The following EFCC1 variants were observed in gnomAD, a reference collection of about 807,000 sequenced individuals.
EFCC1 encodes the protein EF-hand and coiled-coil domain-containing protein 1.
In EFCC1, 50 loss-of-function variants were observed where a neutral mutation model predicts 52.1. The ratio of observed to expected loss-of-function variants is 0.96; its 90% confidence interval spans 0.76 to 1.21. EFCC1 has a LOEUF of 1.21. Among genes scored for constraint, EFCC1 ranks in the 50% most tolerant of loss-of-function variants. The probability of loss-of-function intolerance (pLI) is 0.00; values close to 1 mark genes in which losing one functional copy is unlikely to be tolerated. For synonymous variants in EFCC1, 399 were observed against 396.5 expected (o/e 1.01, Z -0.08); for missense variants, 837 against 867.3 (o/e 0.97, Z 0.44).
Position 129,034,335 on chromosome 3 carries a change from C to T in EFCC1, c.1452+6C>T, listed in dbSNP as rs1182529303. On this transcript the variant is annotated splice_donor_region_variant and intron_variant, in intron 5 of 7. Transcript: ENST00000683648. ...TGGGGACCTCTGAGGAGGAGGTCAG[C>T]AGAGCCTAGAGATCAAAGGCTGGAG... 4 of 1,613,194 alleles carry T rather than the reference C, an allele frequency of 2.5e-6. No individual in the cohort carries two copies. The African/African-American group carries it at 5.3e-5, about 22-fold the overall frequency.
At chr3:129,021,815 T>C (rs1945856535) in intron 2 of EFCC1, among the ~76,000 whole-genome samples, 1 of 152,256 alleles carries the variant, frequency 6.6e-6, no homozygotes, top group Non-Finnish European at 1.5e-5. Flanking sequence ...TATTTACATA[T>C]TGAAATGTAT....
chr3:129,034,481 T>C, intron 5 of EFCC1, 152 bp downstream of exon 5: 1 of 917,510 alleles, frequency 1.1e-6, no homozygotes, highest in Non-Finnish European at 1.6e-6. Context: ...TTAAATTTAA[T>C]AAGAAATATT....
At chr3:129,029,398 G>A (rs1946221255) in intron 2 of EFCC1, among the ~76,000 whole-genome samples, 1 of 152,118 alleles carries the variant, frequency 6.6e-6, no homozygotes, top group Non-Finnish European at 1.5e-5. Context: ...CCCAGAGAAG[G>A]GAGATGTTTC....
At chr3:129,004,534 C>A (rs1944984147) in intron 2 of EFCC1, among the ~76,000 whole-genome samples, 1 of 150,050 alleles carries the variant, frequency 6.7e-6, no homozygotes, top group Admixed American at 6.7e-5. Flanking sequence ...ATCCATCCCC[C>A]CACCCACCCA....
chr3:129,020,802 G>A (rs969427919), intron 2 of EFCC1, among the ~76,000 whole-genome samples: 2 of 152,170 alleles, frequency 1.3e-5, no homozygotes, highest in Non-Finnish European at 2.9e-5. Context: ...GAGCCAGGAA[G>A]GTTACAGGCT....
chr3:129,037,683 CT>C (rs1946373493), intron 6 of EFCC1, among the ~76,000 whole-genome samples: 1 of 152,138 alleles, frequency 6.6e-6, no homozygotes, highest in African/African-American at 2.4e-5. Context: ...TAGTAGGGAT[CT>C]TCCTTCACCA....
chr3:129,016,750 G>A (rs1243807913), intron 2 of EFCC1, among the ~76,000 whole-genome samples: 1 of 152,098 alleles, frequency 6.6e-6, no homozygotes, highest in African/African-American at 2.4e-5. Context: ...GGGCGGAACT[G>A]ATTAAGGAAC....
intron 6 of EFCC1, 55 bp from the exon 7 acceptor site, chr3:129,038,776 T>C: frequency 2.5e-6 from 4 of 1,581,040 alleles, no homozygotes; most frequent in Non-Finnish European, 3.5e-6. Flanking sequence ...TCCCATCGGC[T>C]GAACAGGGAC....
At chr3:129,015,939 C>T (rs950504311) in intron 2 of EFCC1, among the ~76,000 whole-genome samples, 1 of 152,330 alleles carries the variant, frequency 6.6e-6, no homozygotes. Flanking sequence ...GCAGCGTGGC[C>T]GTGGCCTGAT....
At chr3:129,039,121 C>A (rs1197250240) in intron 7 of EFCC1, among the ~76,000 whole-genome samples, 1 of 152,142 alleles carries the variant, frequency 6.6e-6, no homozygotes, top group African/African-American at 2.4e-5. Flanking sequence ...GATGGGTGGG[C>A]GCCACCGGCA....
At chr3:129,002,534 T>G (rs1559953226) in intron 1 of EFCC1, 1 of 1,014,794 alleles carries the variant, frequency 9.9e-7, no homozygotes, top group Non-Finnish European at 1.3e-6. Context: ...TACCACCTAT[T>G]CCATTCCTGA....
intron 2 of EFCC1, 62 bp from the exon 3 acceptor site, chr3:129,030,641 G>GC: frequency 6.6e-7 from 1 of 1,507,902 alleles, no homozygotes; most frequent in East Asian, 2.5e-5. Flanking sequence ...CCCATGTACA[G>GC]TGGGGAATGG....
intron 3 of EFCC1, among the ~76,000 whole-genome samples, chr3:129,031,998 C>G (rs1397849671): frequency 6.6e-6 from 1 of 152,134 alleles, no homozygotes; most frequent in Non-Finnish European, 1.5e-5. Flanking sequence ...GTGGGACTCC[C>G]CTGGGGACGG....
At chr3:129,013,149 G>A (rs780519705) in intron 2 of EFCC1, among the ~76,000 whole-genome samples, 15 of 152,160 alleles carry the variant, frequency 9.9e-5, no homozygotes, top group Non-Finnish European at 1.6e-4. Flanking sequence ...GACCCAAGCC[G>A]GGTGAGCTCT....
Position 129,003,907 on chromosome 3 carries a change from C to T in EFCC1, c.810C>T (p.Arg270=). 7.4e-7 allele frequency: 1 copy of T among 1,355,612 alleles called. No individual in the cohort carries two copies. Among genetic ancestry groups the T allele is most frequent in the Non-Finnish European group, 9.4e-7 (1 of 1,058,354 alleles). 84.0% of individuals were successfully genotyped at this position (1,355,612 alleles called of 1,614,324 possible). The part of the protein sequence containing the change: ...AQGALAAAEA[R]AGRLRRGQAE... ...GCGCCCTGGCTGCGGCGGAGGCCCG[C>T]GCTGGGCGGCTGCGCCGTGGCCAGG... The change falls in exon 2 of 8, where the codon CGC becomes CGT. Residue 270 remains arginine, a synonymous_variant. Coordinates refer to ENST00000683648, the MANE Select transcript of EFCC1 (RefSeq NM_001377500.1).
At chr3:129,012,478 C>A (rs769115275) in intron 2 of EFCC1, among the ~76,000 whole-genome samples, 10 of 152,164 alleles carry the variant, frequency 6.6e-5, no homozygotes, top group Non-Finnish European at 1.3e-4. Context: ...GGGAACATGG[C>A]TGCAGGGACC....
intron 2 of EFCC1, among the ~76,000 whole-genome samples, chr3:129,027,721 C>T (rs1490969692): frequency 6.6e-6 from 1 of 152,042 alleles, no homozygotes; most frequent in Non-Finnish European, 1.5e-5. Flanking sequence ...TTTCTGGGGC[C>T]GAGGCGGGCG....
rs114999021 is a variant in EFCC1, at chr3:129,006,139, A to G, written c.980+2062A>G. 8.9e-3 allele frequency among the ~76,000 whole-genome samples: 1,356 copies of G among 152,346 alleles called. 11 individuals are homozygous for G. The highest frequency in any genetic ancestry group is 0.031 in the African/African-American group (1,298 of 41,586). Reference sequence around the variant, plus strand: ...GAAGTTAAGTAATGTACCCAAGGCCACACAGCCAGAAAGTAGGAAAGTCAA... The same window carrying G: ...GAAGTTAAGTAATGTACCCAAGGCCGCACAGCCAGAAAGTAGGAAAGTCAA... On this transcript the variant is annotated intron_variant, in intron 2 of 7. Coordinates refer to ENST00000683648, the MANE Select transcript of EFCC1 (RefSeq NM_001377500.1).
At chr3:129,024,363 C>T (rs1416439110) in intron 2 of EFCC1, among the ~76,000 whole-genome samples, 1 of 151,928 alleles carries the variant, frequency 6.6e-6, no homozygotes, top group Admixed American at 6.6e-5. Flanking sequence ...AAAACCCTTT[C>T]TCTACTAAAA....
Sources: allele counts gnomAD v4.1 joint callset (sites outside exome capture counted in the v4.1 genomes callset), GRCh38; gene constraint gnomAD v4.1.1; transcripts MANE v1.5; gene names NCBI Gene and HGNC (gene_info 2026-07-23, HGNC 2026-07-21).